The following ANKRD36B variants were observed in gnomAD, a reference collection of about 807,000 sequenced individuals.
ANKRD36B encodes the protein ankyrin repeat domain 36B, also known as ankyrin repeat domain-containing protein 36B.
In ANKRD36B, 37 loss-of-function variants were observed where a neutral mutation model predicts 135.7. That is an observed-to-expected ratio of 0.27 (90% confidence interval 0.21 to 0.36). The LOEUF (loss-of-function observed/expected upper bound fraction) is 0.36, where lower values mean the gene tolerates loss of function less well. Ranked by LOEUF, ANKRD36B falls within the 10% of genes least tolerant of loss-of-function variation. The pLI, the probability that ANKRD36B is intolerant of heterozygous loss-of-function variation, is 1.00. For synonymous variants in ANKRD36B, 179 were observed against 348.1 expected (o/e 0.51, Z 5.41); for missense variants, 549 against 1,037.1 (o/e 0.53, Z 6.46).
rs1228187845 is a variant in ANKRD36B at position 97,533,208 on chromosome 2, A to AT, written c.2192-825dup. 2.1e-5 allele frequency among the ~76,000 whole-genome samples: 2 copies of AT among 97,288 alleles called. 1 individual carries two copies. The highest frequency in any genetic ancestry group is 5.5e-5 in the Non-Finnish European group (2 of 36,534). 63.8% of individuals were successfully genotyped at this position (97,288 alleles called of 152,430 possible). On this transcript the variant is annotated intron_variant, in intron 34 of 43. Transcript: ENST00000359901. ...AGACAGCTATGTGAAGTCTTCCTTG[A>AT]TTCCGGCTATCTTTCCTCAGATAAA...
intron 16 of ANKRD36B, among the ~76,000 whole-genome samples, chr2:97,552,635 C>T (rs532468575): frequency 5.8e-4 from 88 of 151,966 alleles, no homozygotes; most frequent in African/African-American, 1.9e-3. Flanking sequence ...ACTCAGATTT[C>T]CTCAGCAGAA....
rs1282662808 is a variant in ANKRD36B at position 97,545,756 on chromosome 2, C to G, written c.1609-18G>C. On this transcript the variant is annotated intron_variant, in intron 23 of 43. Transcript: ENST00000359901. ...CTTGTAGCCTGAATGGAATTTGAAA[C>G]AGAACAGTCAATAAATAAAGTATAT... 6 of 959,072 alleles carry G rather than the reference C, an allele frequency of 6.3e-6. 2 individuals carry two copies. Among genetic ancestry groups the G allele is most frequent in the Non-Finnish European group, 9.5e-6 (6 of 634,488 alleles). The allele number at this position is 959,072 out of a possible 1,614,324, so 59.4% of individuals were successfully genotyped here.
chr2:97,506,419 T>C (rs1184940605), intron 43 of ANKRD36B: 1 of 33,618 alleles, frequency 3.0e-5, no homozygotes, highest in Admixed American at 3.1e-4. Flanking sequence ...CTCCATGTAG[T>C]CTAGTTTGGC....
chr2:97,568,330 C>A (rs4069526), intron 6 of ANKRD36B, among the ~76,000 whole-genome samples: 82,786 of 151,646 alleles, frequency 0.55, 24,462 homozygotes, highest in Non-Finnish European at 0.67. Context: ...CACTCTAATT[C>A]AAAAAATCTA....
At chr2:97,563,530 T>C (rs536466555) in intron 6 of ANKRD36B, among the ~76,000 whole-genome samples, 18 of 152,082 alleles carry the variant, frequency 1.2e-4, no homozygotes, top group African/African-American at 4.3e-4. Context: ...ATTTGACATC[T>C]GGGAACACTC....
At chr2:97,554,392 G>A (rs1436175469) in intron 14 of ANKRD36B, among the ~76,000 whole-genome samples, 1 of 151,830 alleles carries the variant, frequency 6.6e-6, no homozygotes, top group Admixed American at 6.6e-5. Context: ...ATGCCTAATA[G>A]TAGCAAAGAG....
chr2:97,551,306 C>G lies in ANKRD36B; in HGVS notation c.1358G>C (p.Gly453Ala). ...AAAATTACCTGTCCTAGATATTTCT[C>G]CATCCTTTTTTTCTCTGGTTATATT... ...FSNITREKKDGEISRTVSSQK... is the reference protein window; with the variant it reads ...FSNITREKKDAEISRTVSSQK... Residue 453 changes from glycine to alanine, a missense_variant, in exon 18 of 44, where the codon GGA (glycine) becomes GCA (alanine). Coordinates refer to ENST00000359901, the MANE Select transcript of ANKRD36B (RefSeq NM_001393939.1). 6.4e-7 allele frequency: 1 copy of G among 1,568,330 alleles called. No homozygotes were observed. Among genetic ancestry groups the G allele is most frequent in the Admixed American group, 1.8e-5 (1 of 54,266 alleles).
chr2:97,545,879 T>C lies in ANKRD36B; in HGVS notation c.1580-18A>G. On this transcript the variant is annotated intron_variant, in intron 22 of 43. Coordinates refer to ENST00000359901, the MANE Select transcript of ANKRD36B (RefSeq NM_001393939.1). ...AGAAGACACTGAAAAGCAAAAGGGA[T>C]ACATAATCACTCATACATAAATATG... 2.1e-6 allele frequency: 2 copies of C among 937,906 alleles called. 1 individual carries two copies. The highest frequency in any genetic ancestry group is 3.3e-6 in the Non-Finnish European group (2 of 613,272). The allele number at this position is 937,906 out of a possible 1,614,324, so 58.1% of individuals were successfully genotyped here.
At chr2:97,557,355 T>C (rs529859252) in intron 10 of ANKRD36B, among the ~76,000 whole-genome samples, 2 of 151,822 alleles carry the variant, frequency 1.3e-5, no homozygotes, top group African/African-American at 4.8e-5. Context: ...CAAAGAGGTA[T>C]TATGCATCAT....
At chr2:97,556,613 C>T (rs2080549925) in intron 12 of ANKRD36B, among the ~76,000 whole-genome samples, 1 of 151,830 alleles carries the variant, frequency 6.6e-6, no homozygotes, top group African/African-American at 2.4e-5. Context: ...GTTACTTCTT[C>T]TCTTTCTCCT....
rs553304220 is a variant in ANKRD36B, at chr2:97,580,472, A to C, written c.547T>G (p.Tyr183Asp). Residue 183 changes from tyrosine (Y) to aspartate (D), a missense_variant, in exon 4 of 44, where the codon TAT (tyrosine) becomes GAT (aspartate). By Grantham distance (160) the Tyr-to-Asp change is radical. Coordinates refer to ENST00000359901, the MANE Select transcript of ANKRD36B (RefSeq NM_001393939.1). ...KKKANVNAIDYLGRSALILAV... is the reference protein window; with the variant it reads ...KKKANVNAIDDLGRSALILAV... ...AACTAAGGTCTGTACCTGCCAAGAT[A>C]ATCAATGGCATTTACATTTGCTTTT... 1 of 1,546,118 alleles carries C rather than the reference A, an allele frequency of 6.5e-7. No homozygotes were observed. The highest frequency in any genetic ancestry group is 1.4e-5 in the African/African-American group (1 of 73,000).
At chr2:97,579,377 T>C (rs572895531) in intron 4 of ANKRD36B, among the ~76,000 whole-genome samples, 26 of 140,904 alleles carry the variant, frequency 1.8e-4, no homozygotes, top group South Asian at 1.1e-3. Flanking sequence ...TCTGATACTA[T>C]ACATTATAAT....
In ANKRD36B at chr2:97,528,412, T is replaced by A. The variant is rs374496239; in HGVS notation, c.2265+3899A>T. ...GGGACACATTCAAAGCAGTGTACAG[T>A]GGGAAATTTATAGCACTAAATGCCC... On this transcript the variant is annotated intron_variant, in intron 35 of 43. Transcript: ENST00000359901. Among the ~76,000 whole-genome samples the A allele has an allele frequency of 3.3e-5, 3 of 91,784 alleles. 1 individual carries two copies. Among genetic ancestry groups the A allele is most frequent in the Non-Finnish European group, 8.7e-5 (3 of 34,570 alleles). The allele number at this position is 91,784 out of a possible 152,430, so 60.2% of individuals were successfully genotyped here.
At chr2:97,581,871 C>T (rs1359910747) in intron 3 of ANKRD36B, among the ~76,000 whole-genome samples, 5 of 152,060 alleles carry the variant, frequency 3.3e-5, no homozygotes, top group African/African-American at 7.2e-5. Flanking sequence ...GGTGCCATCT[C>T]GGCTCACTGC....
chr2:97,554,915 C>A (rs890333629), intron 14 of ANKRD36B, 145 bp downstream of exon 14: 17 of 1,091,774 alleles, frequency 1.6e-5, no homozygotes, highest in Non-Finnish European at 2.3e-5. Flanking sequence ...CAGCATCACC[C>A]GAGAACTTAT....
rs962174217 is a variant in ANKRD36B at position 97,553,387 on chromosome 2, G to T, written c.1172-16C>A. 1 of 1,607,466 alleles carries T rather than the reference G, an allele frequency of 6.2e-7. No homozygotes were observed. The highest frequency in any genetic ancestry group is 8.5e-7 in the Non-Finnish European group (1 of 1,176,862). ...TGAGAAGACACTGAAAAGCAAAAGG[G>T]ATACATAATCACTCATATGTAAATA... On this transcript the variant is annotated splice_polypyrimidine_tract_variant and intron_variant, in intron 14 of 43. Coordinates refer to ENST00000359901, the MANE Select transcript of ANKRD36B (RefSeq NM_001393939.1).
intron 3 of ANKRD36B, among the ~76,000 whole-genome samples, chr2:97,584,602 C>G (rs1448275320): frequency 6.8e-6 from 1 of 147,292 alleles, no homozygotes; most frequent in Non-Finnish European, 1.5e-5. Flanking sequence ...GACAATTTTA[C>G]TTTCCTGTGT....
intron 26 of ANKRD36B, among the ~76,000 whole-genome samples, chr2:97,543,363 T>C (rs1220832962): frequency 7.8e-6 from 1 of 128,352 alleles, no homozygotes; most frequent in African/African-American, 2.7e-5. Flanking sequence ...ATATCAGTGG[T>C]CTCCTTAGTT....
chr2:97,581,983 T>G (rs2082665365), intron 3 of ANKRD36B, among the ~76,000 whole-genome samples: 1 of 150,230 alleles, frequency 6.7e-6, no homozygotes, highest in Non-Finnish European at 1.5e-5. Context: ...TAATTTTTTG[T>G]ATTTGTAGTA....
Sources: allele counts gnomAD v4.1 joint callset (sites outside exome capture counted in the v4.1 genomes callset), GRCh38; gene constraint gnomAD v4.1.1; transcripts MANE v1.5; gene names NCBI Gene and HGNC (gene_info 2026-07-23, HGNC 2026-07-21).